The following ITGA4 variants were observed in gnomAD, a reference collection of about 807,000 sequenced individuals.
ITGA4 encodes integrin alpha-4.
In ITGA4, 63 loss-of-function variants were observed where a neutral mutation model predicts 133.6. That is an observed-to-expected ratio of 0.47 (90% CI 0.38 to 0.58). The LOEUF (loss-of-function observed/expected upper bound fraction) is 0.58. Ranked by LOEUF, ITGA4 falls within the 20% of genes least tolerant of loss-of-function variation. The pLI, the probability that ITGA4 is intolerant of heterozygous loss-of-function variation, is 0.00. For synonymous variants in ITGA4, 483 were observed against 438.0 expected, an observed-to-expected ratio of 1.10 and a Z score of -1.28; for missense variants, 1,076 against 1,252.7, an observed-to-expected ratio of 0.86 and a Z score of 2.13.
chr2:181,519,959 C>T (rs893826413), intron 17 of ITGA4, among the ~76,000 whole-genome samples: 2 of 152,114 alleles, frequency 1.3e-5, no homozygotes, highest in African/African-American at 4.8e-5. Flanking sequence ...TACTTACCTG[C>T]TTATATTTTT....
Position 181,481,254 on chromosome 2 carries a change from G to A in ITGA4, c.755-344G>A, listed in dbSNP as rs573828399. Among the ~76,000 whole-genome samples the A allele has an allele frequency of 5.9e-5, 9 of 152,204 alleles. No individual in the cohort carries two copies. In the South Asian group the frequency reaches 1.9e-3, roughly 32 times the overall value. The stretch of plus-strand genomic sequence containing the variant: ...AACTTCAGCAAGATGTTTATTTAAA[G>A]TTTAAAGTTTTCATTTCCCAATTGA... On this transcript the variant is annotated intron_variant, in intron 6 of 27. Coordinates refer to ENST00000397033, the MANE Select transcript of ITGA4 (RefSeq NM_000885.6).
intron 4 of ITGA4, chr2:181,475,833 G>A (rs1685661684): frequency 1.2e-6 from 2 of 1,603,596 alleles, no homozygotes. Flanking sequence ...GCATCAGCAA[G>A]TACAGAGCTA....
intron 2 of ITGA4, among the ~76,000 whole-genome samples, chr2:181,462,652 A>G (rs1685314468): frequency 6.6e-6 from 1 of 152,200 alleles, no homozygotes; most frequent in African/African-American, 2.4e-5. Context: ...AGAGAGCTTC[A>G]CTAATAAACT....
chr2:181,490,758 AT>A (rs1405721942), intron 10 of ITGA4, among the ~76,000 whole-genome samples: 2 of 151,938 alleles, frequency 1.3e-5, no homozygotes, highest in East Asian at 3.8e-4. Context: ...GAGTCAGAGT[AT>A]TTATTTAATA....
At position 181,531,745 on chromosome 2, in the gene ITGA4, A is replaced by C. The variant is rs1686949281; in HGVS notation, c.2753A>C (p.Gln918Pro). The change falls in exon 25 of 28, where the codon CAA becomes CCA. Residue 918 changes from glutamine (Q) to proline (P), a missense_variant. Around this residue, in one of 4 missense-constraint regions of ITGA4, gnomAD observed 193 missense variants for 172.3 expected, o/e 1.12. Transcript: ENST00000397033. ...ESGKEASVHI[Q>P]LEGRPSILEM... ...GGAAAAGAAGCCAGTGTTCATATCCAACTGGAAGGCCGGCCATCCATTTTA... is the reference window on the plus strand; with the variant it reads ...GGAAAAGAAGCCAGTGTTCATATCCCACTGGAAGGCCGGCCATCCATTTTA... 1 of 1,602,408 alleles carries C rather than the reference A, an allele frequency of 6.2e-7. No individual in the cohort carries two copies. The highest frequency in any genetic ancestry group is 1.7e-5 in the Admixed American group (1 of 58,010).
intron 10 of ITGA4, 25 bp downstream of exon 10, chr2:181,486,017 C>T (rs1426138221): frequency 6.4e-7 from 1 of 1,559,666 alleles, no homozygotes; most frequent in South Asian, 1.2e-5. Flanking sequence ...CAAATTGGTA[C>T]TTGATTTCTG....
At chr2:181,478,541 A>G (rs1685733141) in intron 4 of ITGA4, among the ~76,000 whole-genome samples, 1 of 152,054 alleles carries the variant, frequency 6.6e-6, no homozygotes, top group Non-Finnish European at 1.5e-5. Context: ...TGTGCTTCCT[A>G]TGAAGAAGCA....
chr2:181,473,959 T>C (rs1685615578), intron 2 of ITGA4, among the ~76,000 whole-genome samples: 1 of 152,180 alleles, frequency 6.6e-6, no homozygotes. Flanking sequence ...GTGACTAGTG[T>C]TCAAAATTAA....
At chr2:181,494,057 A>G (rs1363829273) in intron 11 of ITGA4, among the ~76,000 whole-genome samples, 4 of 152,240 alleles carry the variant, frequency 2.6e-5, no homozygotes, top group African/African-American at 9.6e-5. Context: ...TTGACATAAA[A>G]GAAATGTATT....
intron 26 of ITGA4, 61 bp from the exon 27 acceptor site, chr2:181,534,755 C>A: frequency 7.1e-7 from 1 of 1,410,034 alleles, no homozygotes; most frequent in Non-Finnish European, 9.6e-7. Context: ...GAAATATAAG[C>A]AACGTTTTAA....
At chr2:181,527,443 G>C in intron 22 of ITGA4, 56 bp downstream of exon 22, 1 of 1,172,418 alleles carries the variant, frequency 8.5e-7, no homozygotes, top group South Asian at 1.2e-5. Flanking sequence ...TGTCACTGAT[G>C]CATTGCTCCA....
chr2:181,536,928 A>G lies in ITGA4; in HGVS notation c.*1401A>G, dbSNP rs560233657. The G allele has an allele frequency of 2.4e-4, 109 of 453,632 alleles. No homozygotes were observed. Among genetic ancestry groups the G allele is most frequent in the African/African-American group, 2.1e-3 (105 of 50,086 alleles). 28.1% of individuals were successfully genotyped at this position (453,632 alleles called of 1,614,324 possible). A position where few individuals can be genotyped will look rare whatever the true frequency, so the allele number is the denominator to read the frequency against. On this transcript the variant is annotated 3_prime_UTR_variant, in exon 28 of 28. Transcript: ENST00000397033. ...CAATGTGGAAAAACAATTCTGGGAAAGATTTCTTTATATGAAGTCCCTGCC... is the reference window on the plus strand; with the variant it reads ...CAATGTGGAAAAACAATTCTGGGAAGGATTTCTTTATATGAAGTCCCTGCC...
chr2:181,537,102 CTT>C lies in ITGA4; in HGVS notation c.*1577_*1578del. On this transcript the variant is annotated 3_prime_UTR_variant, in exon 28 of 28. Coordinates refer to ENST00000397033, the MANE Select transcript of ITGA4 (RefSeq NM_000885.6). ...CAGAGTGTGTATACACAGGAATAAA[CTT>C]TATGACATTTATGTATTTTTAAAAA... The C allele has an allele frequency of 2.2e-6, 1 of 452,582 alleles. No individual in the cohort carries two copies. The highest frequency in any genetic ancestry group is 1.6e-5 in the South Asian group (1 of 64,266). The allele number at this position is 452,582 out of a possible 1,614,324, so 28.0% of individuals were successfully genotyped here.
intron 2 of ITGA4, among the ~76,000 whole-genome samples, chr2:181,468,944 TTTATG>T (rs1191856737): frequency 6.6e-6 from 1 of 152,184 alleles, no homozygotes; most frequent in Non-Finnish European, 1.5e-5. Flanking sequence ...GCTGACCTCT[TTTATG>T]TTAAACCATG....
intron 17 of ITGA4, among the ~76,000 whole-genome samples, chr2:181,521,242 T>C (rs1304647292): frequency 6.6e-6 from 1 of 152,170 alleles, no homozygotes; most frequent in Non-Finnish European, 1.5e-5. Flanking sequence ...CATACTGTAT[T>C]GGAAAGTTTT....
intron 2 of ITGA4, among the ~76,000 whole-genome samples, chr2:181,461,709 C>T (rs1247645562): frequency 6.6e-6 from 1 of 152,054 alleles, no homozygotes; most frequent in African/African-American, 2.4e-5. Context: ...AATATGTTTC[C>T]AGATCTTTCA....
Position 181,530,625 on chromosome 2 carries a change from G to A in ITGA4, c.2640G>A (p.Leu880=). Residue 880 remains leucine, a synonymous_variant, in exon 24 of 28, where the codon TTG becomes TTA. Transcript: ENST00000397033. ...CCTTGAAAGGCATAGTCCGGTTCTT[G>A]TCCAAGACTGATAAGAGGCTATTGG... ...MQTLKGIVRF[L]SKTDKRLLYC... is the part of the protein sequence containing the mutation. The A allele has an allele frequency of 6.2e-7, 1 of 1,612,626 alleles. No homozygotes were observed. The highest frequency in any genetic ancestry group is 1.3e-5 in the African/African-American group (1 of 75,022).
At chr2:181,515,349 C>T (rs1476161757) in intron 17 of ITGA4, among the ~76,000 whole-genome samples, 1 of 152,058 alleles carries the variant, frequency 6.6e-6, no homozygotes, top group Non-Finnish European at 1.5e-5. Context: ...GGCCAAGTGC[C>T]TAGTGCAAAG....
intron 21 of ITGA4, 143 bp from the exon 22 acceptor site, chr2:181,527,154 A>G (rs780921173): frequency 3.9e-6 from 2 of 510,324 alleles, no homozygotes; most frequent in Non-Finnish European, 7.0e-6. Flanking sequence ...ATTTCTTTTT[A>G]AATAAAATGT....
Sources: gnomAD v4.1 joint callset for allele counts (sites outside exome capture counted in the v4.1 genomes callset) on GRCh38, gnomAD v4.1.1 for gene constraint, gnomAD v4.1.1 regional missense constraint, MANE v1.5 for transcripts, NCBI Gene and HGNC (gene_info 2026-07-23, HGNC 2026-07-21) for gene names.